DRC8: variants seen among roughly 807,000 people sequenced by gnomAD.
The protein encoded by DRC8 is dynein regulatory complex protein 8.
the DRC8 span, among the ~76,000 whole-genome samples, chr1:245,032,978 G>A: frequency 6.6e-6 from 1 of 150,852 alleles, no homozygotes; most frequent in Non-Finnish European, 1.5e-5. Context: ...CAACATTTCA[G>A]GATTAAAAAA....
the DRC8 span, among the ~76,000 whole-genome samples, chr1:245,012,951 A>G: frequency 6.6e-6 from 1 of 152,230 alleles, no homozygotes; most frequent in Admixed American, 6.5e-5. Flanking sequence ...CTAGAAATGC[A>G]AATCAGAATA....
chr1:245,004,369 A>G, the DRC8 span, among the ~76,000 whole-genome samples: 2 of 152,036 alleles, frequency 1.3e-5, no homozygotes, highest in African/African-American at 4.8e-5. Flanking sequence ...ACAGTGTATC[A>G]GTAACAAATA....
chr1:245,034,737 C>T, the DRC8 span, among the ~76,000 whole-genome samples: 1 of 150,002 alleles, frequency 6.7e-6, no homozygotes. Flanking sequence ...ACAGAACATC[C>T]AACTCAAAAA....
chr1:245,104,864 T>C, the DRC8 span, among the ~76,000 whole-genome samples: 1 of 152,250 alleles, frequency 6.6e-6, no homozygotes, highest in Admixed American at 6.5e-5. Flanking sequence ...GCTTTTACCA[T>C]TGGTTTATTC....
chr1:245,035,375 CA>C, the DRC8 span, among the ~76,000 whole-genome samples: 1 of 147,198 alleles, frequency 6.8e-6, no homozygotes, highest in East Asian at 2.0e-4. Flanking sequence ...AGGCTAGACA[CA>C]TGCATCAGTG....
At chr1:245,068,764 T>C in the DRC8 span, among the ~76,000 whole-genome samples, 2 of 152,044 alleles carry the variant, frequency 1.3e-5, no homozygotes, top group Admixed American at 6.6e-5. Flanking sequence ...TATAATCTTA[T>C]AGTATAATTC....
At chr1:245,091,538 T>C in the DRC8 span, 1 of 152,234 alleles carries the variant, frequency 6.6e-6, no homozygotes, top group South Asian at 2.1e-4. Flanking sequence ...TGCGTCGAGA[T>C]TGCCTACCTC....
At chr1:245,029,148 A>G in the DRC8 span, among the ~76,000 whole-genome samples, 1 of 152,204 alleles carries the variant, frequency 6.6e-6, no homozygotes, top group Non-Finnish European at 1.5e-5. Context: ...GGCTTTACAG[A>G]TGGGAGTTAA....
the DRC8 span, among the ~76,000 whole-genome samples, chr1:245,025,724 G>A: frequency 3.9e-5 from 6 of 152,088 alleles, no homozygotes; most frequent in South Asian, 2.1e-4. Context: ...TTGAATTGTC[G>A]CTGCCATTAT....
At chr1:245,059,352 A>G in the DRC8 span, 2 of 1,550,092 alleles carry the variant, frequency 1.3e-6, no homozygotes, top group Admixed American at 1.7e-5. Flanking sequence ...CGGAGTTTAT[A>G]TTCTAAAACC....
the DRC8 span, among the ~76,000 whole-genome samples, chr1:244,975,594 C>T: frequency 2.0e-5 from 3 of 152,218 alleles, no homozygotes; most frequent in Non-Finnish European, 4.4e-5. Flanking sequence ...GAGGCCGGCT[C>T]ACGCCTGTAA....
chr1:245,086,101 A>G, the DRC8 span, among the ~76,000 whole-genome samples: 1 of 152,248 alleles, frequency 6.6e-6, no homozygotes, highest in Non-Finnish European at 1.5e-5. Flanking sequence ...CAGAGAGTTC[A>G]TGGTACTTAA....
chr1:244,984,950 T>C, the DRC8 span, among the ~76,000 whole-genome samples: 3 of 152,116 alleles, frequency 2.0e-5, no homozygotes, highest in South Asian at 6.2e-4. Flanking sequence ...CTTGTTTTCA[T>C]TTATTATGCT....
At chr1:245,104,788 C>G in the DRC8 span, among the ~76,000 whole-genome samples, 1 of 152,220 alleles carries the variant, frequency 6.6e-6, no homozygotes, top group Non-Finnish European at 1.5e-5. Flanking sequence ...TCTTAAAAAG[C>G]TAACAATAAT....
At chr1:245,027,273 A>G in the DRC8 span, among the ~76,000 whole-genome samples, 292 of 22,452 alleles carry the variant, frequency 0.013, 2 homozygotes, top group Admixed American at 0.016. Context: ...TTAGACTACT[A>G]TTATTCTAGA....
At chr1:244,997,448 T>G in the DRC8 span, among the ~76,000 whole-genome samples, 1 of 152,054 alleles carries the variant, frequency 6.6e-6, no homozygotes, top group Admixed American at 6.5e-5. Flanking sequence ...GTAAGCTGAA[T>G]CAGTCTACTT....
At chr1:244,978,078 C>T in the DRC8 span, among the ~76,000 whole-genome samples, 5 of 152,226 alleles carry the variant, frequency 3.3e-5, no homozygotes, top group Non-Finnish European at 5.9e-5. Flanking sequence ...TATTCTTACC[C>T]ACTTGTGAAA....
At chr1:245,081,616 G>A in the DRC8 span, among the ~76,000 whole-genome samples, 27 of 152,090 alleles carry the variant, frequency 1.8e-4, no homozygotes, top group East Asian at 3.9e-4. Flanking sequence ...TTACAGGTGT[G>A]CGCCACTACG....
the DRC8 span, among the ~76,000 whole-genome samples, chr1:245,034,355 T>C: frequency 0.37 from 56,119 of 151,742 alleles, 10,767 homozygotes; most frequent in African/African-American, 0.49. Flanking sequence ...AATCCCAGCA[T>C]TTTGGGAGGC....
Sources: allele counts gnomAD v4.1 joint callset (sites outside exome capture counted in the v4.1 genomes callset), GRCh38; gene constraint gnomAD v4.1.1; transcripts MANE v1.5; gene names NCBI Gene and HGNC (gene_info 2026-07-23, HGNC 2026-07-21).